Variants in MLH3 observed in about 807,000 individuals in gnomAD.
MLH3 encodes the protein DNA mismatch repair protein Mlh3.
A neutral mutation model predicts 122.2 loss-of-function variants in MLH3; 82 were observed. The ratio of observed to expected loss-of-function variants is 0.67; its 90% confidence interval spans 0.56 to 0.81. The LOEUF (loss-of-function observed/expected upper bound fraction) is 0.81. MLH3 is among the 30% of genes least tolerant of loss of function. MLH3 has a pLI of 0.00. For missense variants in MLH3, 1,539 were observed against 1,714.5 expected (o/e 0.90, Z 1.81); for synonymous variants, 524 against 599.5 (o/e 0.87, Z 1.84).
intron 6 of MLH3, chr14:75,036,831 A>G (rs1381879372): frequency 1.1e-5 from 5 of 453,666 alleles, no homozygotes; most frequent in Admixed American, 2.4e-5. Flanking sequence ...TATCTCCTAA[A>G]TATCTTTCCA....
intron 3 of MLH3, 97 bp from the exon 4 acceptor site, chr14:75,041,797 A>T (rs1891877373): frequency 2.5e-6 from 2 of 815,162 alleles, no homozygotes; most frequent in Admixed American, 3.7e-5. Context: ...TCAAGACCAA[A>T]GGTCACGTAC....
In MLH3 at chr14:75,047,779, G is replaced by T; in HGVS notation, c.1877C>A (p.Ser626Ter). Reference protein sequence around the residue: ...EKTKSTETEHSFKNYVRPGPT... With the variant: ...EKTKSTETEH ...ACCAGGTCTAACATAATTTTTAAAT[G>T]AATGTTCTGTTTCAGTTGATTTAGT... Residue 626 changes from serine (S) to a stop codon, truncating the protein, a stop_gained, in exon 2 of 13, where the codon TCA becomes TAA. Transcript: ENST00000355774. LOFTEE classifies it high-confidence loss of function. 6.2e-7 allele frequency: 1 copy of T among 1,613,940 alleles called. No individual in the cohort carries two copies. The highest frequency in any genetic ancestry group is 8.5e-7 in the Non-Finnish European group (1 of 1,179,862).
At chr14:75,037,056 GA>G (rs5809692) in intron 6 of MLH3, among the ~76,000 whole-genome samples, 3 of 148,812 alleles carry the variant, frequency 2.0e-5, no homozygotes, top group East Asian at 2.0e-4. Flanking sequence ...GATAAAAAAT[GA>G]AAAAAAAAAG....
chr14:75,019,715 C>CT (rs886755540), intron 11 of MLH3, among the ~76,000 whole-genome samples: 1 of 152,086 alleles, frequency 6.6e-6, no homozygotes, highest in Non-Finnish European at 1.5e-5. Flanking sequence ...TTATTTGCTT[C>CT]TTTTTTTCTA....
intron 9 of MLH3, among the ~76,000 whole-genome samples, chr14:75,025,582 C>T (rs1890576466): frequency 6.6e-6 from 1 of 152,102 alleles, no homozygotes; most frequent in South Asian, 2.1e-4. Flanking sequence ...CCACAGGCTC[C>T]ACTCTTTTGT....
Position 75,018,772 on chromosome 14 carries a change from G to C in MLH3, c.4242+57C>G, listed in dbSNP as rs184479320. On this transcript the variant is annotated intron_variant, in intron 12 of 12. Transcript: ENST00000355774. ...GATTACAGTTGCATAGTAAAAGCCA[G>C]AAAAGAAAGAGAAAATAAACTTTGC... 4.2e-5 allele frequency: 66 copies of C among 1,589,924 alleles called. No homozygotes were observed. In the East Asian group the frequency reaches 1.4e-3, roughly 34 times the overall value.
chr14:75,024,748 G>A (rs1156470591), intron 9 of MLH3, among the ~76,000 whole-genome samples: 1 of 152,160 alleles, frequency 6.6e-6, no homozygotes, highest in Non-Finnish European at 1.5e-5. Context: ...CCTGACATAG[G>A]ATAATCAAGA....
Position 75,014,745 on chromosome 14 carries a change from C to A in MLH3, c.*2337G>T. 1 of 194,660 alleles carries A rather than the reference C, an allele frequency of 5.1e-6. No homozygotes were observed. The highest frequency in any genetic ancestry group is 1.1e-5 in the Non-Finnish European group (1 of 93,390). The allele number at this position is 194,660 out of a possible 1,614,324, so 12.1% of individuals were successfully genotyped here. A position where few individuals can be genotyped will look rare whatever the true frequency, so the allele number is the denominator to read the frequency against. On this transcript the variant is annotated 3_prime_UTR_variant, in exon 13 of 13. Coordinates refer to ENST00000355774, the MANE Select transcript of MLH3 (RefSeq NM_001040108.2). ...ACTCTGAAGTTACTAAAGCCTTCAG[C>A]GACCAGAATCTAATAAAGGTGAATC...
Position 75,032,146 on chromosome 14 carries a change from C to A in MLH3, c.3749G>T (p.Gly1250Val), listed in dbSNP as rs931917554. The change falls in exon 8 of 13, where the codon GGT (glycine) becomes GTT (valine). Residue 1250 changes from glycine to valine, a missense_variant. Transcript: ENST00000355774. Reference protein sequence around the residue: ...SYEKQQAQGSGRKKLLSSTLI... With the variant: ...SYEKQQAQGSVRKKLLSSTLI... ...AGTAGAAGACAGTAATTTTTTCCGA[C>A]CAGAGCCTTGTGCCTGTTGCTTCTC... 1.9e-6 allele frequency: 3 copies of A among 1,613,614 alleles called. No individual in the cohort carries two copies. The highest frequency in any genetic ancestry group is 3.3e-5 in the Admixed American group (2 of 59,992).
Position 75,039,897 on chromosome 14 carries a change from A to C in MLH3, c.3570+14T>G. 1 of 951,890 alleles carries C rather than the reference A, an allele frequency of 1.1e-6. No individual in the cohort carries two copies. Among genetic ancestry groups the C allele is most frequent in the Non-Finnish European group, 1.6e-6 (1 of 627,846 alleles). The allele number at this position is 951,890 out of a possible 1,614,324, so 59.0% of individuals were successfully genotyped here. A position where few individuals can be genotyped will look rare whatever the true frequency, so the allele number is the denominator to read the frequency against. Reference sequence around the variant, plus strand: ...TATATATATATTTATGAGATTTTGAAGTTAATCTTTTACCTGCATTGAATG... The same window carrying C: ...TATATATATATTTATGAGATTTTGACGTTAATCTTTTACCTGCATTGAATG... On this transcript the variant is annotated intron_variant, in intron 5 of 12. Transcript: ENST00000355774.
chr14:75,046,865 C>CT lies in MLH3; in HGVS notation c.2790dup (p.Glu931ArgfsTer15). On this transcript the variant is annotated frameshift_variant, in exon 2 of 13. Coordinates refer to ENST00000355774, the MANE Select transcript of MLH3 (RefSeq NM_001040108.2). LOFTEE classifies it high-confidence loss of function. ...TCTGATGTTGGGATGACACCATTCT[C>CT]TGTTTTTTCATGCTTGTTGTTAAAT... 4.3e-6 allele frequency: 7 copies of CT among 1,614,034 alleles called. No individual in the cohort carries two copies. The highest frequency in any genetic ancestry group is 5.1e-6 in the Non-Finnish European group (6 of 1,180,020).
Position 75,030,535 on chromosome 14 carries a change from T to C in MLH3, c.3987+8A>G, listed in dbSNP as rs113122174. The C allele has an allele frequency of 1.9e-6, 3 of 1,613,868 alleles. No individual in the cohort carries two copies. Among genetic ancestry groups the C allele is most frequent in the Admixed American group, 3.3e-5 (2 of 60,024 alleles). ...GCAATTTCCTTAACATCTGCAGCTG[T>C]GTCTTACCTCCACAATACTCTTGGT... On this transcript the variant is annotated splice_region_variant and intron_variant, in intron 9 of 12. Transcript: ENST00000355774.
At chr14:75,034,611 C>CT (rs928913181) in intron 6 of MLH3, among the ~76,000 whole-genome samples, 4 of 151,488 alleles carry the variant, frequency 2.6e-5, no homozygotes, top group Non-Finnish European at 4.4e-5. Context: ...AAATAGTCTT[C>CT]TTTTTTTTTC....
In MLH3 at chr14:75,032,739, C is replaced by T. The variant is rs142364555; in HGVS notation, c.3716-560G>A. Among the ~76,000 whole-genome samples the T allele has an allele frequency of 3.4e-4, 52 of 151,234 alleles. 1 individual carries two copies. In the East Asian group the frequency reaches 0.01, roughly 29 times the overall value. On this transcript the variant is annotated intron_variant, in intron 7 of 12. Transcript: ENST00000355774. ...GCACTCCTTAGGTCCTTGCCTAACT[C>T]TTTGACATTACTCATTGGCCACAGG... is the stretch of plus-strand genomic sequence containing the variant.
chr14:75,016,952 T>C lies in MLH3; in HGVS notation c.*130A>G, dbSNP rs1889921683. Reference sequence around the variant, plus strand: ...CAAGAAAGACTGATACAGAGAGCCCTGCTGTCTAAGCTGCTCAGGGACACT... The same window carrying C: ...CAAGAAAGACTGATACAGAGAGCCCCGCTGTCTAAGCTGCTCAGGGACACT... On this transcript the variant is annotated 3_prime_UTR_variant, in exon 13 of 13. Coordinates refer to ENST00000355774, the MANE Select transcript of MLH3 (RefSeq NM_001040108.2). 3 of 1,023,900 alleles carry C rather than the reference T, an allele frequency of 2.9e-6. No individual in the cohort carries two copies. The highest frequency in any genetic ancestry group is 4.6e-6 in the Non-Finnish European group (3 of 652,206). The allele number at this position is 1,023,900 out of a possible 1,614,324, so 63.4% of individuals were successfully genotyped here.
rs371582071 is a variant in MLH3 at position 75,022,907 on chromosome 14, C to A, written c.4012-15G>T. On this transcript the variant is annotated splice_polypyrimidine_tract_variant and intron_variant, in intron 10 of 12. Transcript: ENST00000355774. ...GTCTGGAGTAGCTAATGCATAAACA[C>A]GTTATTAACAGGAAAAGAAAACGGA... 6.2e-7 allele frequency: 1 copy of A among 1,613,944 alleles called. No homozygotes were observed. The highest frequency in any genetic ancestry group is 8.5e-7 in the Non-Finnish European group (1 of 1,179,876).
Position 75,018,838 on chromosome 14 carries a change from C to T in MLH3, c.4233G>A (p.Gln1411=), listed in dbSNP as rs1427731171. The T allele has an allele frequency of 1.2e-6, 2 of 1,614,156 alleles. No individual in the cohort carries two copies. Among genetic ancestry groups the T allele is most frequent in the Non-Finnish European group, 1.7e-6 (2 of 1,180,028 alleles). ...TTAGTCATTAATGTACCTGTTTTTC[C>T]TGTTCCAAGTGGTCTATGTCAGCTA... ...LPLADIDHLE[Q]EKQIKPNLTK... is the part of the protein sequence containing the mutation. The change falls in exon 12 of 13, where the codon CAG becomes CAA. Residue 1411 remains glutamine (Q), a synonymous_variant. Coordinates refer to ENST00000355774, the MANE Select transcript of MLH3 (RefSeq NM_001040108.2).
At chr14:75,032,893 T>A (rs1361956981) in intron 7 of MLH3, among the ~76,000 whole-genome samples, 1 of 149,552 alleles carries the variant, frequency 6.7e-6, no homozygotes, top group Non-Finnish European at 1.5e-5. Flanking sequence ...ACCAGAGATA[T>A]TGGTTGTCTC....
chr14:75,040,187 C>T (rs1713695884), intron 4 of MLH3, among the ~76,000 whole-genome samples, 172 bp from the exon 5 acceptor site: 1 of 150,202 alleles, frequency 6.7e-6, no homozygotes, highest in South Asian at 2.1e-4. Flanking sequence ...TGGTGGCTCA[C>T]ACCTGTAATC....
Sources: allele counts gnomAD v4.1 joint callset (sites outside exome capture counted in the v4.1 genomes callset), GRCh38; gene constraint gnomAD v4.1.1; transcripts MANE v1.5; gene names NCBI Gene and HGNC (gene_info 2026-07-23, HGNC 2026-07-21).